SMYD3: variants seen among roughly 807,000 people sequenced by gnomAD.
The protein encoded by SMYD3 is histone-lysine N-methyltransferase SMYD3.
Under a neutral mutation model 57.7 loss-of-function variants are expected in SMYD3, and 36 were observed. That is an observed-to-expected ratio of 0.62 (90% CI 0.48 to 0.82). SMYD3 has a LOEUF of 0.82. Ranked by LOEUF, SMYD3 falls within the 40% of genes least tolerant of loss-of-function variation. SMYD3 has a pLI of 0.00. For synonymous variants in SMYD3, 211 were observed against 195.0 expected (o/e 1.08, Z -0.68); for missense variants, 515 against 538.8 (o/e 0.96, Z 0.44).
chr1:246,256,033 G>C (rs1655147026), intron 5 of SMYD3, among the ~76,000 whole-genome samples: 1 of 151,844 alleles, frequency 6.6e-6, no homozygotes, highest in Admixed American at 6.6e-5. Context: ...TAGATACATA[G>C]ATATAAACGG....
At chr1:245,782,018 T>G (rs1308010224) in intron 10 of SMYD3, among the ~76,000 whole-genome samples, 2 of 152,120 alleles carry the variant, frequency 1.3e-5, no homozygotes, top group African/African-American at 4.8e-5. Context: ...AGAAACTATG[T>G]CTGATACCTA....
intron 2 of SMYD3, among the ~76,000 whole-genome samples, chr1:246,342,816 C>T (rs1486973377): frequency 1.3e-5 from 2 of 152,136 alleles, no homozygotes; most frequent in Non-Finnish European, 1.5e-5. Context: ...ATGGGAATTA[C>T]GGTCTCCTGT....
intron 10 of SMYD3, among the ~76,000 whole-genome samples, chr1:245,834,548 A>G (rs1302914364): frequency 6.6e-6 from 1 of 152,218 alleles, no homozygotes; most frequent in Non-Finnish European, 1.5e-5. Flanking sequence ...CTCTGATACT[A>G]CATCTTAACG....
At chr1:246,219,992 C>G (rs147998191) in intron 5 of SMYD3, among the ~76,000 whole-genome samples, 1 of 152,304 alleles carries the variant, frequency 6.6e-6, no homozygotes, top group Non-Finnish European at 1.5e-5. Flanking sequence ...GGTGAGTAAA[C>G]AGAACACCCC....
chr1:245,816,076 C>CCCTG (rs1406847302), intron 10 of SMYD3, among the ~76,000 whole-genome samples: 1 of 152,138 alleles, frequency 6.6e-6, no homozygotes, highest in Non-Finnish European at 1.5e-5. Flanking sequence ...TTGGTCAAAG[C>CCCTG]CCTGGGGTGT....
intron 1 of SMYD3, among the ~76,000 whole-genome samples, chr1:246,438,549 G>A (rs563962184): frequency 1.3e-5 from 2 of 151,974 alleles, no homozygotes; most frequent in African/African-American, 2.4e-5. Context: ...CCCCCAGCAC[G>A]GATACCAAAA....
At chr1:246,213,739 G>A (rs1166443554) in intron 5 of SMYD3, among the ~76,000 whole-genome samples, 1 of 152,186 alleles carries the variant, frequency 6.6e-6, no homozygotes, top group Non-Finnish European at 1.5e-5. Flanking sequence ...CATGGTCCCT[G>A]AGAATATCTT....
chr1:245,814,357 G>C, intron 10 of SMYD3: 1 of 984,478 alleles, frequency 1.0e-6, no homozygotes, highest in South Asian at 4.7e-5. Context: ...GCAGCACCAG[G>C]AATCAGGACA....
intron 5 of SMYD3, among the ~76,000 whole-genome samples, chr1:246,198,742 A>C (rs1039284213): frequency 6.6e-6 from 1 of 152,222 alleles, no homozygotes; most frequent in East Asian, 1.9e-4. Flanking sequence ...ATAAATTACC[A>C]GTATGAACAA....
At chr1:246,407,202 G>C (rs982403581) in intron 1 of SMYD3, among the ~76,000 whole-genome samples, 5 of 152,174 alleles carry the variant, frequency 3.3e-5, no homozygotes, top group Non-Finnish European at 5.9e-5. Context: ...AGACAATTTA[G>C]GTCTAGATTG....
intron 6 of SMYD3, among the ~76,000 whole-genome samples, chr1:245,928,442 TG>T (rs1336709726): frequency 6.6e-6 from 1 of 151,502 alleles, no homozygotes; most frequent in African/African-American, 2.4e-5. Context: ...GAAGCCGAGG[TG>T]GGTGGATCAT....
intron 1 of SMYD3, among the ~76,000 whole-genome samples, chr1:246,399,495 T>C (rs970783814): frequency 5.9e-5 from 9 of 152,086 alleles, no homozygotes; most frequent in African/African-American, 1.4e-4. Context: ...CCACCATACC[T>C]GGCTAATTTT....
At chr1:246,412,858 C>CA (rs35012889) in intron 1 of SMYD3, among the ~76,000 whole-genome samples, 48,456 of 120,122 alleles carry the variant, frequency 0.4, 9,231 homozygotes, top group East Asian at 0.65. Context: ...GACTCCGTCT[C>CA]AAAAAAAAAA....
At chr1:246,333,657 T>C (rs931093954) in intron 3 of SMYD3, among the ~76,000 whole-genome samples, 2 of 152,042 alleles carry the variant, frequency 1.3e-5, no homozygotes, top group African/African-American at 4.8e-5. Flanking sequence ...GAGAATTTCT[T>C]GAGCCCAGGA....
intron 10 of SMYD3, among the ~76,000 whole-genome samples, chr1:245,813,968 G>C (rs553592108): frequency 6.6e-6 from 1 of 150,954 alleles, no homozygotes; most frequent in South Asian, 2.1e-4. Context: ...GGTGATTGTA[G>C]ATTTCTTCAT....
chr1:246,254,438 A>T (rs1043469191), intron 5 of SMYD3, among the ~76,000 whole-genome samples: 1 of 152,140 alleles, frequency 6.6e-6, no homozygotes, highest in African/African-American at 2.4e-5. Context: ...CAAAGATCAG[A>T]TGGCTGTAGG....
At chr1:245,939,539 A>G (rs2057135087) in intron 5 of SMYD3, among the ~76,000 whole-genome samples, 1 of 152,110 alleles carries the variant, frequency 6.6e-6, no homozygotes, top group South Asian at 2.1e-4. Context: ...AGGCAGGGGA[A>G]TCGCTTGAAC....
intron 5 of SMYD3, among the ~76,000 whole-genome samples, chr1:246,305,346 G>A (rs1430034384): frequency 1.3e-5 from 2 of 152,086 alleles, no homozygotes; most frequent in Non-Finnish European, 2.9e-5. Context: ...TTCAACACAA[G>A]CCTCAGCAGA....
At chr1:246,391,477 GAGA>G (rs1356524934) in intron 1 of SMYD3, among the ~76,000 whole-genome samples, 1 of 142,408 alleles carries the variant, frequency 7.0e-6, no homozygotes, top group African/African-American at 2.6e-5. Context: ...GAGAGAGGGA[GAGA>G]AGGAGAGAGG....
Sources: gnomAD v4.1 joint callset for allele counts (sites outside exome capture counted in the v4.1 genomes callset) on GRCh38, gnomAD v4.1.1 for gene constraint, MANE v1.5 for transcripts, NCBI Gene and HGNC (gene_info 2026-07-23, HGNC 2026-07-21) for gene names.